INVS: variants seen among roughly 807,000 people sequenced by gnomAD.
INVS encodes inversion of embryo turning homolog.
Under a neutral mutation model 108.8 loss-of-function variants are expected in INVS, and 86 were observed. The observed-to-expected ratio is 0.79, with a 90% CI of 0.66 to 0.95. INVS has a LOEUF of 0.95. INVS is among the 40% of genes least tolerant of loss of function. INVS has a pLI of 0.00. For missense variants in INVS, 1,169 were observed against 1,297.4 expected (o/e 0.90, Z 1.52); for synonymous variants, 455 against 473.5 (o/e 0.96, Z 0.51).
chr9:100,195,931 GT>G (rs945548575), intron 3 of INVS, among the ~76,000 whole-genome samples: 11 of 151,822 alleles, frequency 7.2e-5, no homozygotes, highest in Non-Finnish European at 1.5e-4. Context: ...TAGTTTAGTT[GT>G]TTTTTTTCTT....
rs756863097 is a variant in INVS at position 100,253,033 on chromosome 9, A to C, written c.1361A>C (p.Tyr454Ser). The C allele has an allele frequency of 1.2e-6, 2 of 1,613,942 alleles. No individual in the cohort carries two copies. Among genetic ancestry groups the C allele is most frequent in the Non-Finnish European group, 1.7e-6 (2 of 1,179,918 alleles). The change falls in exon 10 of 17, where the codon TAT becomes TCT. Residue 454 changes from tyrosine to serine, a missense_variant. Transcript: ENST00000262457. Reference protein sequence around the residue: ...ENKINPNVQDYAGRTPLQCAA... With the variant: ...ENKINPNVQDSAGRTPLQCAA... ...AAGATCAATCCAAATGTCCAGGATT[A>C]TGCAGGAAGAACCCCTTTGCAGTGT...
chr9:100,130,106 A>G (rs143365503), intron 3 of INVS: 80 of 160,554 alleles, frequency 5.0e-4, no homozygotes, highest in African/African-American at 1.6e-3. Context: ...CTCTTAATAT[A>G]TAACACATTG....
Position 100,294,531 on chromosome 9 carries a change from AAGC to A in INVS, c.2786+1489_2786+1491del, listed in dbSNP as rs1437163180. ...CATGTGAACTCCCAACCACACCAGG[AAGC>A]CATCATGACAGGGAGCAGTATCCCC... On this transcript the variant is annotated intron_variant, in intron 14 of 16. Transcript: ENST00000262457. Among the ~76,000 whole-genome samples the A allele has an allele frequency of 9.8e-5, 15 of 152,314 alleles. No individual in the cohort carries two copies. In the East Asian group the frequency reaches 2.9e-3, roughly 29 times the overall value.
intron 3 of INVS, among the ~76,000 whole-genome samples, chr9:100,213,317 G>T (rs1830892281): frequency 1.3e-5 from 2 of 151,894 alleles, no homozygotes; most frequent in African/African-American, 4.8e-5. Flanking sequence ...TATAACCCCT[G>T]CTCACCTCTC....
At position 100,100,646 on chromosome 9, in the gene INVS, G is replaced by GTA. The variant is rs1346455580; in HGVS notation, c.-25+1237_-25+1238dup. Among the ~76,000 whole-genome samples, 12 of 31,700 alleles carry GTA rather than the reference G, an allele frequency of 3.8e-4. 3 individuals carry two copies. The highest frequency in any genetic ancestry group is 2.4e-3 in the African/African-American group (11 of 4,626). The allele number at this position is 31,700 out of a possible 152,430, so 20.8% of individuals were successfully genotyped here. On this transcript the variant is annotated intron_variant, in intron 1 of 16. Transcript: ENST00000262457. The stretch of plus-strand genomic sequence containing the variant: ...TATATATAATATATATATTATATAT[G>GTA]TATATATAATATATATATTATATAT...
chr9:100,297,871 C>A, intron 15 of INVS, 65 bp from the exon 16 acceptor site: 1 of 1,518,016 alleles, frequency 6.6e-7, no homozygotes, highest in Non-Finnish European at 9.2e-7. Context: ...ATAAGGAATT[C>A]AGAAGTTGGT....
In INVS at chr9:100,264,483, C is replaced by T. The variant is rs1273858959; in HGVS notation, c.1465-339C>T. Among the ~76,000 whole-genome samples the T allele has an allele frequency of 5.3e-5, 8 of 151,748 alleles. No homozygotes were observed. In the East Asian group the frequency reaches 5.8e-4, roughly 11 times the overall value. ...AAATACAAAAATTAGCTGGGCATGG[C>T]GGCGGGCACCTGTAATCCCAGCTAC... On this transcript the variant is annotated intron_variant, in intron 10 of 16. Transcript: ENST00000262457.
intron 3 of INVS, among the ~76,000 whole-genome samples, chr9:100,158,201 A>G (rs181148030): frequency 6.6e-6 from 1 of 152,126 alleles, no homozygotes; most frequent in Non-Finnish European, 1.5e-5. Context: ...ACCTCATAGG[A>G]TATATTTTAG....
chr9:100,279,247 T>A (rs1241903801), intron 12 of INVS, among the ~76,000 whole-genome samples: 1 of 152,264 alleles, frequency 6.6e-6, no homozygotes, highest in South Asian at 2.1e-4. Context: ...TTCATAAATG[T>A]GGAGATGGGC....
At chr9:100,106,309 C>T (rs181601188) in intron 2 of INVS, among the ~76,000 whole-genome samples, 1 of 152,314 alleles carries the variant, frequency 6.6e-6, no homozygotes, top group Non-Finnish European at 1.5e-5. Flanking sequence ...CCTGTCTTCT[C>T]AGGGACATTG....
chr9:100,164,087 G>A (rs1259788485), intron 3 of INVS, among the ~76,000 whole-genome samples: 1 of 152,144 alleles, frequency 6.6e-6, no homozygotes, highest in Non-Finnish European at 1.5e-5. Flanking sequence ...GTGGTTAGAA[G>A]TCCAATTTTA....
chr9:100,100,974 TATATATATAATATATATGTATATATA>T (rs1826952932), intron 1 of INVS, among the ~76,000 whole-genome samples: 1 of 48,452 alleles, frequency 2.1e-5, no homozygotes, highest in East Asian at 4.1e-4. Flanking sequence ...TAATATATAT[TATATATATAATATATATGTATATATA>T]ATATATATAT....
chr9:100,232,136 T>C (rs1831533038), intron 5 of INVS, among the ~76,000 whole-genome samples: 1 of 152,230 alleles, frequency 6.6e-6, no homozygotes, highest in Non-Finnish European at 1.5e-5. Flanking sequence ...ATATGTTTTT[T>C]GGCCACATAA....
At chr9:100,139,892 C>T (rs1015839171) in intron 3 of INVS, among the ~76,000 whole-genome samples, 5 of 152,190 alleles carry the variant, frequency 3.3e-5, no homozygotes, top group African/African-American at 1.2e-4. Context: ...ATCAGCCCGC[C>T]TTGGCCCACC....
intron 3 of INVS, among the ~76,000 whole-genome samples, chr9:100,179,467 A>G (rs975240933): frequency 4.8e-5 from 7 of 144,590 alleles, no homozygotes; most frequent in African/African-American, 1.5e-4. Flanking sequence ...AATGGAAAGC[A>G]AAAAAAAAAA....
intron 3 of INVS, among the ~76,000 whole-genome samples, chr9:100,155,408 C>G (rs1828944508): frequency 6.6e-6 from 1 of 152,174 alleles, no homozygotes; most frequent in African/African-American, 2.4e-5. Flanking sequence ...ACAATCTTGG[C>G]TCACTGCATC....
At chr9:100,117,519 C>T in intron 2 of INVS, 3 of 952,224 alleles carry the variant, frequency 3.2e-6, no homozygotes, top group South Asian at 2.6e-5. Flanking sequence ...CGTCCACGGC[C>T]GCAACCCCGG....
chr9:100,147,366 A>C (rs1378890773), intron 3 of INVS, among the ~76,000 whole-genome samples: 1 of 152,242 alleles, frequency 6.6e-6, no homozygotes, highest in African/African-American at 2.4e-5. Flanking sequence ...AAAAATCAGC[A>C]GTCAGTTTAC....
chr9:100,100,601 TATA>T (rs1564111031), intron 1 of INVS, among the ~76,000 whole-genome samples: 1 of 95,376 alleles, frequency 1.0e-5, no homozygotes, highest in Non-Finnish European at 1.9e-5. Flanking sequence ...TATATGTACA[TATA>T]ATATATATAA....
Sources: allele counts gnomAD v4.1 joint callset (sites outside exome capture counted in the v4.1 genomes callset), GRCh38; gene constraint gnomAD v4.1.1; transcripts MANE v1.5; gene names NCBI Gene and HGNC (gene_info 2026-07-23, HGNC 2026-07-21).